The following ARL6IP1 variants were observed in gnomAD, a reference collection of about 807,000 sequenced individuals.
The protein encoded by ARL6IP1 is ADP-ribosylation factor-like protein 6-interacting protein 1.
ARL6IP1 carries 16 observed loss-of-function variants against 30.1 expected under a neutral mutation model. That is an observed-to-expected ratio of 0.53 (90% CI 0.36 to 0.81). The LOEUF is 0.81. ARL6IP1 is among the 30% of genes least tolerant of loss of function. The pLI is 0.01. For synonymous variants in ARL6IP1, 72 were observed against 84.8 expected, an observed-to-expected ratio of 0.85 and a Z score of 0.83; for missense variants, 173 against 242.7, an observed-to-expected ratio of 0.71 and a Z score of 1.91.
Position 18,798,040 on chromosome 16 carries a change from T to TA in ARL6IP1, c.174dup (p.Ile59TyrfsTer23). On this transcript the variant is annotated frameshift_variant, in exon 3 of 6. Transcript: ENST00000304414. LOFTEE classifies it high-confidence loss of function. The stretch of plus-strand genomic sequence containing the variant: ...AGAACAGATGGATCTAGATAGTAGA[T>TA]AATCCTGTTAAAAAAATTAATAAAG... The TA allele has an allele frequency of 6.3e-7, 1 of 1,581,822 alleles. No homozygotes were observed. Among genetic ancestry groups the TA allele is most frequent in the Non-Finnish European group, 8.6e-7 (1 of 1,169,430 alleles).
chr16:18,795,786 TGA>T (rs749868800), intron 3 of ARL6IP1, among the ~76,000 whole-genome samples: 25 of 149,676 alleles, frequency 1.7e-4, no homozygotes, highest in Admixed American at 7.9e-4. Flanking sequence ...ACTATGTGTG[TGA>T]GAGAGAGAGT....
chr16:18,801,546 A>T lies in ARL6IP1; in HGVS notation c.-80T>A. 6.4e-7 allele frequency: 1 copy of T among 1,559,092 alleles called. No individual in the cohort carries two copies. Among genetic ancestry groups the T allele is most frequent in the Non-Finnish European group, 8.7e-7 (1 of 1,149,662 alleles). On this transcript the variant is annotated 5_prime_UTR_variant, in exon 1 of 6. In the 5' UTR this introduces an upstream ATG that the reference lacks. Coordinates refer to ENST00000304414, the MANE Select transcript of ARL6IP1 (RefSeq NM_015161.3). Reference sequence around the variant, plus strand: ...AACCGAAACCCGCACACCAACCACAACCCGAGGGAACGCCCCGCAGGCTGC... The same window carrying T: ...AACCGAAACCCGCACACCAACCACATCCCGAGGGAACGCCCCGCAGGCTGC...
At position 18,798,759 on chromosome 16, in the gene ARL6IP1, G is replaced by C; in HGVS notation, c.112C>G (p.Arg38Gly). Residue 38 changes from arginine (R) to glycine (G), a missense_variant, in exon 2 of 6, where the codon CGA (arginine) becomes GGA (glycine). Physicochemically the swap from Arg to Gly is moderately radical, Grantham distance 125. Coordinates refer to ENST00000304414, the MANE Select transcript of ARL6IP1 (RefSeq NM_015161.3). ...EVMLMADKVL[R>G]WERAWFPPAI... ...GGTGGAAACCAGGCTCTTTCCCATC[G>C]GAGGACTTTATCAGCCATCAGCATC... 1 of 1,614,066 alleles carries C rather than the reference G, an allele frequency of 6.2e-7. No homozygotes were observed. The highest frequency in any genetic ancestry group is 1.1e-5 in the South Asian group (1 of 91,072).
At chr16:18,801,364 G>A (rs889642678) in intron 1 of ARL6IP1, 67 bp downstream of exon 1, 3 of 1,596,106 alleles carry the variant, frequency 1.9e-6, no homozygotes, top group African/African-American at 1.3e-5. Context: ...ACGAGGCCGC[G>A]GTGTTTGAGC....
At position 18,798,775 on chromosome 16, in the gene ARL6IP1, C is replaced by T. The variant is rs762855362; in HGVS notation, c.96G>A (p.Met32Ile). 7.4e-6 allele frequency: 12 copies of T among 1,614,196 alleles called. No homozygotes were observed. Among genetic ancestry groups the T allele is most frequent in the Non-Finnish European group, 1.0e-5 (12 of 1,180,032 alleles). The change falls in exon 2 of 6, where the codon ATG (methionine) becomes ATA (isoleucine). Residue 32 changes from methionine to isoleucine, a missense_variant. Transcript: ENST00000304414. ...QLQGWGEVML[M>I]ADKVLRWERA... ...TTTCCCATCGGAGGACTTTATCAGC[C>T]ATCAGCATCACTTCTCCCCATCCTT...
At chr16:18,800,481 C>T (rs1374605096) in intron 1 of ARL6IP1, among the ~76,000 whole-genome samples, 1 of 152,196 alleles carries the variant, frequency 6.6e-6, no homozygotes, top group Non-Finnish European at 1.5e-5. Context: ...ACGCTGAGAA[C>T]TAACTATGCT....
intron 1 of ARL6IP1, among the ~76,000 whole-genome samples, chr16:18,801,001 C>G (rs1044414728): frequency 2.6e-5 from 4 of 152,342 alleles, no homozygotes; most frequent in East Asian, 1.9e-4. Flanking sequence ...AGCCCTTTGA[C>G]CCTCCACCCT....
Position 18,793,388 on chromosome 16 carries a change from C to T in ARL6IP1, c.494-18G>A, listed in dbSNP as rs372011897. 7.0e-7 allele frequency: 1 copy of T among 1,438,348 alleles called. No homozygotes were observed. Among genetic ancestry groups the T allele is most frequent in the Admixed American group, 2.1e-5 (1 of 48,340 alleles). 89.1% of individuals were successfully genotyped at this position (1,438,348 alleles called of 1,614,324 possible). A position where few individuals can be genotyped will look rare whatever the true frequency, so the allele number is the denominator to read the frequency against. ...GGAAGTCACTTAAAATAAAAAAAAA[C>T]CCAACATTAAGGAGGCAGCAATTAA... is the stretch of plus-strand genomic sequence containing the variant. On this transcript the variant is annotated intron_variant, in intron 5 of 5. Coordinates refer to ENST00000304414, the MANE Select transcript of ARL6IP1 (RefSeq NM_015161.3).
chr16:18,792,108 G>A lies in ARL6IP1; in HGVS notation c.*1144C>T, dbSNP rs562191806. 6.6e-6 allele frequency: 1 copy of A among 152,350 alleles called. No individual in the cohort carries two copies. The highest frequency in any genetic ancestry group is 1.5e-5 in the Non-Finnish European group (1 of 68,028). 9.4% of individuals were successfully genotyped at this position (152,350 alleles called of 1,614,324 possible). A position where few individuals can be genotyped will look rare whatever the true frequency, so the allele number is the denominator to read the frequency against. Reference sequence around the variant, plus strand: ...TTCTAGCTACCAAGAAGTTAAGAATGATTATAAGAAGCTTTCCAAGGAGTT... The same window carrying A: ...TTCTAGCTACCAAGAAGTTAAGAATAATTATAAGAAGCTTTCCAAGGAGTT... On this transcript the variant is annotated 3_prime_UTR_variant, in exon 6 of 6. Transcript: ENST00000304414.
At position 18,796,062 on chromosome 16, in the gene ARL6IP1, T is replaced by C. The variant is rs992080930; in HGVS notation, c.291-481A>G. ...ACATAACACCCCCAACTGGGCTTCA[T>C]ACATCTGATGACAAGGCAGCAATAA... On this transcript the variant is annotated intron_variant, in intron 3 of 5. Coordinates refer to ENST00000304414, the MANE Select transcript of ARL6IP1 (RefSeq NM_015161.3). Among the ~76,000 whole-genome samples, 4 of 152,196 alleles carry C rather than the reference T, an allele frequency of 2.6e-5. No individual in the cohort carries two copies. In the East Asian group the frequency reaches 7.7e-4, roughly 29 times the overall value.
At chr16:18,795,788 A>T (rs982881073) in intron 3 of ARL6IP1, among the ~76,000 whole-genome samples, 4 of 150,830 alleles carry the variant, frequency 2.7e-5, no homozygotes, top group Non-Finnish European at 3.0e-5. Flanking sequence ...TATGTGTGTG[A>T]GAGAGAGAGT....
chr16:18,796,521 G>A (rs2030236387), intron 3 of ARL6IP1, among the ~76,000 whole-genome samples: 3 of 152,186 alleles, frequency 2.0e-5, no homozygotes, highest in South Asian at 4.1e-4. Context: ...GTCACATCAC[G>A]AAACTATCAG....
At chr16:18,801,249 G>A in intron 1 of ARL6IP1, 182 bp downstream of exon 1, 1 of 1,427,936 alleles carries the variant, frequency 7.0e-7, no homozygotes, top group Non-Finnish European at 9.1e-7. Context: ...ACCGTCCCCA[G>A]GAAAGGTAAG....
chr16:18,794,558 A>C, intron 5 of ARL6IP1, 41 bp downstream of exon 5: 1 of 1,486,056 alleles, frequency 6.7e-7, no homozygotes, highest in Non-Finnish European at 9.4e-7. Flanking sequence ...GTTAAATTTC[A>C]CTGGCCAGGA....
rs749877052 is a variant in ARL6IP1 at position 18,793,371 on chromosome 16, C to T, written c.494-1G>A. 1 of 1,556,450 alleles carries T rather than the reference C, an allele frequency of 6.4e-7. No homozygotes were observed. The highest frequency in any genetic ancestry group is 2.3e-5 in the East Asian group (1 of 44,216). ...CCAGGAAGCAATAGTAAGGAAGTCA[C>T]TTAAAATAAAAAAAAACCCAACATT... On this transcript the variant is annotated splice_acceptor_variant, in intron 5 of 5. Coordinates refer to ENST00000304414, the MANE Select transcript of ARL6IP1 (RefSeq NM_015161.3). LOFTEE classifies it high-confidence loss of function.
rs35734251 is a variant in ARL6IP1 at position 18,795,016 on chromosome 16, CT to C, written c.409-334del. On this transcript the variant is annotated intron_variant, in intron 4 of 5. Transcript: ENST00000304414. ...AGAGAACAGATGAACAGATGCTTTC[CT>C]TTTTTTTTTTTTTTTTTGAGACAGA... is the stretch of plus-strand genomic sequence containing the variant. Among the ~76,000 whole-genome samples the C allele has an allele frequency of 2.9e-3, 381 of 133,266 alleles. 1 individual carries two copies. The highest frequency in any genetic ancestry group is 7.0e-3 in the African/African-American group (255 of 36,624). 87.4% of individuals were successfully genotyped at this position (133,266 alleles called of 152,430 possible).
chr16:18,794,823 A>G lies in ARL6IP1; in HGVS notation c.409-140T>C, dbSNP rs939847848. 2.3e-5 allele frequency: 13 copies of G among 560,836 alleles called. 1 individual carries two copies. In the South Asian group the frequency reaches 3.2e-4, roughly 14 times the overall value. 34.7% of individuals were successfully genotyped at this position (560,836 alleles called of 1,614,324 possible). A position where few individuals can be genotyped will look rare whatever the true frequency, so the allele number is the denominator to read the frequency against. The stretch of plus-strand genomic sequence containing the variant: ...CTTTTATTATCACTTTTCTTTAAAA[A>G]TTCTTAGATTTAAAAACCTATTCCA... On this transcript the variant is annotated intron_variant, in intron 4 of 5. Coordinates refer to ENST00000304414, the MANE Select transcript of ARL6IP1 (RefSeq NM_015161.3).
At chr16:18,800,421 A>G (rs537653977) in intron 1 of ARL6IP1, among the ~76,000 whole-genome samples, 1 of 152,346 alleles carries the variant, frequency 6.6e-6, no homozygotes, top group East Asian at 1.9e-4. Flanking sequence ...TCATTTCAAC[A>G]GGGCTTGAGC....
intron 5 of ARL6IP1, 62 bp from the exon 6 acceptor site, chr16:18,793,432 T>A: frequency 7.5e-5 from 6 of 80,520 alleles, no homozygotes; most frequent in Non-Finnish European, 1.6e-4. Context: ...AGGTTATTAC[T>A]TTTTTTTTTT....
Sources: gnomAD v4.1 joint callset for allele counts (sites outside exome capture counted in the v4.1 genomes callset) on GRCh38, gnomAD v4.1.1 for gene constraint, MANE v1.5 for transcripts, NCBI Gene and HGNC (gene_info 2026-07-23, HGNC 2026-07-21) for gene names.